Variants in PYGO1 observed in about 807,000 individuals in gnomAD.
The protein encoded by PYGO1 is pygopus homolog 1.
Under a neutral mutation model 29.5 loss-of-function variants are expected in PYGO1, and 6 were observed. The ratio of observed to expected loss-of-function variants is 0.20; its 90% CI spans 0.11 to 0.40. The LOEUF (loss-of-function observed/expected upper bound fraction) is 0.40. PYGO1 is among the 10% of genes least tolerant of loss of function. PYGO1 has a pLI of 1.00. For missense variants in PYGO1, 515 were observed against 514.9 expected, an observed-to-expected ratio of 1.00 and a Z score of 0.00; for synonymous variants, 186 against 180.5, an observed-to-expected ratio of 1.03 and a Z score of -0.24.
At chr15:55,555,785 A>AT (rs1287476603) in intron 1 of PYGO1, among the ~76,000 whole-genome samples, 1 of 152,142 alleles carries the variant, frequency 6.6e-6, no homozygotes, top group East Asian at 1.9e-4. Context: ...CGAAAGACAC[A>AT]CCTCACAGGC....
At chr15:55,547,257 G>T in intron 2 of PYGO1, 110 bp from the exon 3 acceptor site, 2 of 927,288 alleles carry the variant, frequency 2.2e-6, no homozygotes, top group Admixed American at 3.3e-5. Context: ...TTCTCTTGCA[G>T]TGTTAACAAA....
In PYGO1 at chr15:55,548,437, G is replaced by A. The variant is rs191819173; in HGVS notation, c.135+473C>T. 1.8e-3 allele frequency among the ~76,000 whole-genome samples: 279 copies of A among 151,898 alleles called. 4 individuals are homozygous for A. The highest frequency in any genetic ancestry group is 6.4e-3 in the Admixed American group (98 of 15,272). ...ACAAAAAAAAATACAGCGAGGCGTG[G>A]TGGCTCACACCTGTAATCCTAGCAC... is the stretch of plus-strand genomic sequence containing the variant. On this transcript the variant is annotated intron_variant, in intron 2 of 2. Transcript: ENST00000563719.
At chr15:55,567,558 G>T (rs937458461) in intron 1 of PYGO1, among the ~76,000 whole-genome samples, 25 of 151,964 alleles carry the variant, frequency 1.6e-4, no homozygotes, top group Non-Finnish European at 3.7e-4. Flanking sequence ...CCTTCTGTAG[G>T]TTGTCTGTTT....
rs1394072810 is a variant in PYGO1, at chr15:55,546,393, T to A, written c.890A>T (p.Asn297Ile). The stretch of plus-strand genomic sequence containing the variant: ...ATTCTGCGTCCCATTTGCAGGGTTA[T>A]TGTTTGTGGCTTCAGTGCTACTTGA... ...SRSSSTEATN[N>I]NPANGTQNKP... is the part of the protein sequence containing the mutation. The change falls in exon 3 of 3, where the codon AAT becomes ATT. Residue 297 changes from asparagine (N) to isoleucine (I), a missense_variant. Asn to Ile is a moderately radical substitution (Grantham distance 149). Coordinates refer to ENST00000563719, the MANE Select transcript of PYGO1 (RefSeq NM_001367806.1). 6.2e-7 allele frequency: 1 copy of A among 1,614,216 alleles called. No homozygotes were observed. The highest frequency in any genetic ancestry group is 1.7e-5 in the Admixed American group (1 of 60,020).
At chr15:55,562,492 T>C (rs778455556) in intron 1 of PYGO1, among the ~76,000 whole-genome samples, 16 of 151,994 alleles carry the variant, frequency 1.1e-4, no homozygotes, top group Admixed American at 2.6e-4. Context: ...GCCAACATGG[T>C]GAAACCCTGT....
rs1362869321 is a variant in PYGO1, at chr15:55,543,252, G to C, written c.*2771C>G. The stretch of plus-strand genomic sequence containing the variant: ...TCAGTTTGTATAATAGCCTTCTTCA[G>C]ACAAATTATCATCTGGCTATTCTTA... On this transcript the variant is annotated 3_prime_UTR_variant, in exon 3 of 3. Coordinates refer to ENST00000563719, the MANE Select transcript of PYGO1 (RefSeq NM_001367806.1). 2 of 152,160 alleles carry C rather than the reference G, an allele frequency of 1.3e-5. No individual in the cohort carries two copies. Among genetic ancestry groups the C allele is most frequent in the Non-Finnish European group, 2.9e-5 (2 of 68,034 alleles). The allele number at this position is 152,160 out of a possible 1,614,324, so 9.4% of individuals were successfully genotyped here.
intron 1 of PYGO1, among the ~76,000 whole-genome samples, chr15:55,556,759 T>C (rs1462419825): frequency 6.9e-6 from 1 of 144,052 alleles, no homozygotes; most frequent in African/African-American, 2.6e-5. Flanking sequence ...GCTAGACTAA[T>C]AAAGAAAAAA....
rs144587504 is a variant in PYGO1, at chr15:55,584,963, G to T, written c.49+2872C>A. 3.8e-3 allele frequency among the ~76,000 whole-genome samples: 579 copies of T among 152,284 alleles called. 2 individuals carry two copies. The highest frequency in any genetic ancestry group is 5.7e-3 in the Non-Finnish European group (391 of 68,028). Reference sequence around the variant, plus strand: ...AGGAGCACCTGGGGATCTTGTTAAAGATGCAGAAGTCCCAACTCTGTGGAT... The same window carrying T: ...AGGAGCACCTGGGGATCTTGTTAAATATGCAGAAGTCCCAACTCTGTGGAT... On this transcript the variant is annotated intron_variant, in intron 1 of 2. Transcript: ENST00000563719.
At position 55,549,002 on chromosome 15, in the gene PYGO1, A is replaced by C. The variant is rs1457978730; in HGVS notation, c.50-7T>G. The C allele has an allele frequency of 6.3e-7, 1 of 1,595,472 alleles. No homozygotes were observed. Among genetic ancestry groups the C allele is most frequent in the East Asian group, 2.2e-5 (1 of 44,580 alleles). On this transcript the variant is annotated splice_polypyrimidine_tract_variant and splice_region_variant and intron_variant, in intron 1 of 2. Transcript: ENST00000563719. Reference sequence around the variant, plus strand: ...TCCAGTCCACTATCACCACCTAAAAAAAAAAAAATTCAGGTAATATTTCCC... The same window carrying C: ...TCCAGTCCACTATCACCACCTAAAACAAAAAAAATTCAGGTAATATTTCCC...
chr15:55,554,100 T>A (rs1042107675), intron 1 of PYGO1, among the ~76,000 whole-genome samples: 1 of 151,932 alleles, frequency 6.6e-6, no homozygotes, highest in Admixed American at 6.6e-5. Context: ...CAAAAACGCT[T>A]AAAACTCAAA....
Position 55,540,530 on chromosome 15 carries a change from T to TA in PYGO1, c.*5492dup, listed in dbSNP as rs2058824524. ...GTCATGAGTTGGTAACACTAAAATT[T>TA]ACTCCTCTCCCATTTGAAAGACATC... On this transcript the variant is annotated 3_prime_UTR_variant, in exon 3 of 3. Transcript: ENST00000563719. The TA allele has an allele frequency of 6.6e-6, 1 of 152,108 alleles. No individual in the cohort carries two copies. The highest frequency in any genetic ancestry group is 2.4e-5 in the African/African-American group (1 of 41,452). 9.4% of individuals were successfully genotyped at this position (152,108 alleles called of 1,614,324 possible). A position where few individuals can be genotyped will look rare whatever the true frequency, so the allele number is the denominator to read the frequency against.
At chr15:55,582,892 T>G (rs1309286095) in intron 1 of PYGO1, among the ~76,000 whole-genome samples, 1 of 152,210 alleles carries the variant, frequency 6.6e-6, no homozygotes, top group Non-Finnish European at 1.5e-5. Context: ...TTCTCCAATC[T>G]TAATCCAAAT....
chr15:55,578,456 A>G (rs2059013080), intron 1 of PYGO1, among the ~76,000 whole-genome samples: 1 of 152,156 alleles, frequency 6.6e-6, no homozygotes, highest in African/African-American at 2.4e-5. Context: ...CAGTGGCTAC[A>G]TCATTTTATA....
At chr15:55,565,576 C>A (rs2058952312) in intron 1 of PYGO1, among the ~76,000 whole-genome samples, 2 of 151,728 alleles carry the variant, frequency 1.3e-5, no homozygotes, top group South Asian at 2.1e-4. Context: ...ATTAGCCAGG[C>A]TGGTAGCGGG....
intron 1 of PYGO1, 59 bp from the exon 2 acceptor site, chr15:55,549,054 T>TC: frequency 7.7e-7 from 1 of 1,294,708 alleles, no homozygotes; most frequent in Non-Finnish European, 1.1e-6. Context: ...ACTTTATATC[T>TC]CATAGTAATA....
At position 55,575,929 on chromosome 15, in the gene PYGO1, G is replaced by C. The variant is rs939648553; in HGVS notation, c.49+11906C>G. Among the ~76,000 whole-genome samples, 3 of 152,126 alleles carry C rather than the reference G, an allele frequency of 2.0e-5. No individual in the cohort carries two copies. The South Asian group carries it at 6.2e-4, about 32-fold the overall frequency. On this transcript the variant is annotated intron_variant, in intron 1 of 2. Coordinates refer to ENST00000563719, the MANE Select transcript of PYGO1 (RefSeq NM_001367806.1). ...TTAATAATTTCAGCCACAATCCTTT[G>C]TTCCACAGCCTTAGGAATGGCAGCT...
At chr15:55,568,926 C>A (rs1254980327) in intron 1 of PYGO1, among the ~76,000 whole-genome samples, 1 of 152,024 alleles carries the variant, frequency 6.6e-6, no homozygotes, top group African/African-American at 2.4e-5. Context: ...AACCTTGCAC[C>A]CCAGGACTGA....
intron 1 of PYGO1, among the ~76,000 whole-genome samples, chr15:55,574,646 A>ATG (rs1389191570): frequency 8.9e-5 from 3 of 33,742 alleles, no homozygotes; most frequent in Admixed American, 1.1e-3. Flanking sequence ...GGTATACTGT[A>ATG]TATGTGTGTG....
In PYGO1 at chr15:55,546,084, T is replaced by A; in HGVS notation, c.1199A>T (p.Asp400Val). ...TTCTCTAGTACGCATTAACTGGACA[T>A]CTTTGTCAGCCATACAGGTATCACA... is the stretch of plus-strand genomic sequence containing the variant. ...WGCDTCMADKDVQLMRTRETF... is the reference protein window; with the variant it reads ...WGCDTCMADKVVQLMRTRETF... The change falls in exon 3 of 3, where the codon GAT (aspartate) becomes GTT (valine). Residue 400 changes from aspartate (D) to valine (V), a missense_variant. Coordinates refer to ENST00000563719, the MANE Select transcript of PYGO1 (RefSeq NM_001367806.1). 6.2e-7 allele frequency: 1 copy of A among 1,614,152 alleles called. No homozygotes were observed. Among genetic ancestry groups the A allele is most frequent in the Non-Finnish European group, 8.5e-7 (1 of 1,180,008 alleles).
Sources: gnomAD v4.1 joint callset for allele counts (sites outside exome capture counted in the v4.1 genomes callset) on GRCh38, gnomAD v4.1.1 for gene constraint, MANE v1.5 for transcripts, NCBI Gene and HGNC (gene_info 2026-07-23, HGNC 2026-07-21) for gene names.